SGK3: variants seen among roughly 807,000 people sequenced by gnomAD.
SGK3 encodes serine/threonine-protein kinase Sgk3.
A neutral mutation model predicts 68.5 loss-of-function variants in SGK3; 47 were observed. The observed-to-expected ratio is 0.69, with a 90% CI of 0.54 to 0.87. The LOEUF (loss-of-function observed/expected upper bound fraction) is 0.87. SGK3 is among the 40% of genes least tolerant of loss of function. SGK3 has a pLI of 0.00. For synonymous variants in SGK3, 181 were observed against 189.1 expected (o/e 0.96, Z 0.35); for missense variants, 479 against 575.5 (o/e 0.83, Z 1.72).
chr8:66,830,753 A>G (rs1809271370), intron 7 of SGK3, among the ~76,000 whole-genome samples: 1 of 152,230 alleles, frequency 6.6e-6, no homozygotes, highest in East Asian at 1.9e-4. Flanking sequence ...AAACACTGTA[A>G]TGACTTTTTT....
intron 5 of SGK3, among the ~76,000 whole-genome samples, chr8:66,820,894 C>CA (rs1483442159): frequency 6.6e-6 from 1 of 151,926 alleles, no homozygotes; most frequent in Non-Finnish European, 1.5e-5. Context: ...TTTGTGGAGA[C>CA]AGAGTCTTGC....
intron 8 of SGK3, 50 bp from the exon 9 acceptor site, chr8:66,835,713 A>G: frequency 6.4e-7 from 1 of 1,561,116 alleles, no homozygotes. Flanking sequence ...AATTATTTCT[A>G]TCAAAATTTG....
chr8:66,723,341 G>A (rs1392343663), intron 1 of SGK3, among the ~76,000 whole-genome samples: 1 of 150,880 alleles, frequency 6.6e-6, no homozygotes, highest in African/African-American at 2.4e-5. Context: ...CTACTCAGGA[G>A]GTTGAGGCAG....
intron 4 of SGK3, among the ~76,000 whole-genome samples, chr8:66,813,305 A>T (rs1808453461): frequency 6.6e-6 from 1 of 152,222 alleles, no homozygotes; most frequent in African/African-American, 2.4e-5. Flanking sequence ...ATTACTTGTT[A>T]GGAAAGTATG....
chr8:66,722,552 G>A (rs983528725), intron 1 of SGK3, among the ~76,000 whole-genome samples: 12 of 152,220 alleles, frequency 7.9e-5, no homozygotes, highest in African/African-American at 2.9e-4. Context: ...GATTACAGGC[G>A]TGAGCCGCCG....
At chr8:66,728,870 C>G (rs1046152083) in intron 1 of SGK3, among the ~76,000 whole-genome samples, 1 of 151,498 alleles carries the variant, frequency 6.6e-6, no homozygotes, top group Non-Finnish European at 1.5e-5. Flanking sequence ...GAACTATGAT[C>G]ACACCACTGC....
At position 66,835,925 on chromosome 8, in the gene SGK3, C is replaced by G. The variant is rs774075391; in HGVS notation, c.610-18C>G. 20 of 1,612,312 alleles carry G rather than the reference C, an allele frequency of 1.2e-5. No individual in the cohort carries two copies. In the Admixed American group the frequency reaches 2.5e-4, roughly 20 times the overall value. ...TTTTCTAGTGTATAATACAATTGAT[C>G]TTTTGCCTTTTTTCCAGCAAAAACA... On this transcript the variant is annotated intron_variant, in intron 9 of 16. Transcript: ENST00000521198.
At position 66,807,731 on chromosome 8, in the gene SGK3, A is replaced by G. The variant is rs554063960; in HGVS notation, c.253+3284A>G. On this transcript the variant is annotated intron_variant, in intron 4 of 16. Coordinates refer to ENST00000521198, the MANE Select transcript of SGK3 (RefSeq NM_001033578.3). ...TGTTGAGGGGAGTTTGGTAGTGTTT[A>G]GAAAAACTGTGAATGCATTTTCCAC... 5.9e-5 allele frequency among the ~76,000 whole-genome samples: 9 copies of G among 152,342 alleles called. No homozygotes were observed. The East Asian group carries it at 1.7e-3, about 29-fold the overall frequency.
At chr8:66,786,964 G>A (rs1162318622) in intron 1 of SGK3, among the ~76,000 whole-genome samples, 3 of 110,640 alleles carry the variant, frequency 2.7e-5, no homozygotes, top group South Asian at 3.3e-4. Context: ...TTGAGATGGA[G>A]TGTCACTCTG....
At chr8:66,839,267 T>C (rs1431079836) in intron 10 of SGK3, among the ~76,000 whole-genome samples, 2 of 151,470 alleles carry the variant, frequency 1.3e-5, no homozygotes, top group East Asian at 3.9e-4. Context: ...TTATAAGAAA[T>C]AAATTAAAAA....
chr8:66,778,317 G>A (rs943463391), intron 1 of SGK3, among the ~76,000 whole-genome samples: 1 of 152,068 alleles, frequency 6.6e-6, no homozygotes, highest in African/African-American at 2.4e-5. Flanking sequence ...CTTTTGTTAT[G>A]GAGTCTCGCT....
intron 1 of SGK3, among the ~76,000 whole-genome samples, chr8:66,717,919 C>T (rs1251892049): frequency 6.6e-6 from 1 of 152,114 alleles, no homozygotes; most frequent in African/African-American, 2.4e-5. Context: ...CCAGGCAGGT[C>T]TCGAACTCCT....
chr8:66,751,017 A>G (rs1317063024), intron 1 of SGK3, among the ~76,000 whole-genome samples: 1 of 150,838 alleles, frequency 6.6e-6, no homozygotes, highest in Non-Finnish European at 1.5e-5. Flanking sequence ...AAAAAAAAAA[A>G]GGCCAGGCGC....
chr8:66,809,699 C>T (rs1808303435), intron 4 of SGK3, among the ~76,000 whole-genome samples: 1 of 152,202 alleles, frequency 6.6e-6, no homozygotes. Context: ...TACTTCATAG[C>T]AGAATCACAG....
At chr8:66,800,030 T>C (rs927652348) in intron 3 of SGK3, among the ~76,000 whole-genome samples, 1 of 152,072 alleles carries the variant, frequency 6.6e-6, no homozygotes, top group Non-Finnish European at 1.5e-5. Flanking sequence ...CTGGAAAAAC[T>C]CTTGTTATAT....
At chr8:66,729,198 T>C (rs539137883) in intron 1 of SGK3, among the ~76,000 whole-genome samples, 119 of 144,352 alleles carry the variant, frequency 8.2e-4, no homozygotes, top group Middle Eastern at 8.6e-3. Context: ...CTCTCACGCC[T>C]GTAATCCCAG....
At chr8:66,714,907 C>A (rs913669038) in intron 1 of SGK3, among the ~76,000 whole-genome samples, 1 of 152,178 alleles carries the variant, frequency 6.6e-6, no homozygotes, top group African/African-American at 2.4e-5. Flanking sequence ...GTGCCTGGCA[C>A]GTGCAGGCCT....
chr8:66,749,516 C>T (rs1332658227), intron 1 of SGK3, among the ~76,000 whole-genome samples: 4 of 152,122 alleles, frequency 2.6e-5, no homozygotes, highest in African/African-American at 7.2e-5. Context: ...TGGCACACAT[C>T]TATTGGTGAA....
At chr8:66,807,758 T>TG (rs1808223143) in intron 4 of SGK3, among the ~76,000 whole-genome samples, 1 of 152,202 alleles carries the variant, frequency 6.6e-6, no homozygotes, top group Non-Finnish European at 1.5e-5. Context: ...ATTTTCCACT[T>TG]TGGCCAAGAA....
Sources: allele counts gnomAD v4.1 joint callset (sites outside exome capture counted in the v4.1 genomes callset), GRCh38; gene constraint gnomAD v4.1.1; transcripts MANE v1.5; gene names NCBI Gene and HGNC (gene_info 2026-07-23, HGNC 2026-07-21).